The following BMPR1B variants were observed in gnomAD, a reference collection of about 807,000 sequenced individuals.
The protein encoded by BMPR1B is bone morphogenetic protein receptor type-1B.
Under a neutral mutation model 59.1 loss-of-function variants are expected in BMPR1B, and 12 were observed. The ratio of observed to expected loss-of-function variants is 0.20; its 90% CI spans 0.13 to 0.33. The LOEUF (loss-of-function observed/expected upper bound fraction) is 0.33, where lower values mean the gene tolerates loss of function less well. BMPR1B is among the 10% of genes least tolerant of loss of function. BMPR1B has a pLI of 1.00. For missense variants in BMPR1B, 550 were observed against 610.9 expected (o/e 0.90, Z 1.05); for synonymous variants, 237 against 207.3 (o/e 1.14, Z -1.23).
At chr4:95,012,355 G>A (rs1373490194) in intron 3 of BMPR1B, among the ~76,000 whole-genome samples, 1 of 152,142 alleles carries the variant, frequency 6.6e-6, no homozygotes, top group Admixed American at 6.6e-5. Flanking sequence ...GCAGGTTTCT[G>A]TCTAGATGTA....
At chr4:94,772,731 T>G (rs1411250236) in intron 1 of BMPR1B, among the ~76,000 whole-genome samples, 1 of 152,158 alleles carries the variant, frequency 6.6e-6, no homozygotes, top group Admixed American at 6.5e-5. Context: ...ACATAAATAA[T>G]CAGATGTTTG....
chr4:95,153,396 A>G (rs571699513), intron 12 of BMPR1B, among the ~76,000 whole-genome samples: 2 of 152,238 alleles, frequency 1.3e-5, no homozygotes, highest in East Asian at 3.9e-4. Flanking sequence ...CCACCCTCGC[A>G]GCCTTCAAAC....
chr4:95,145,346 C>T (rs1413923275), intron 10 of BMPR1B, among the ~76,000 whole-genome samples: 1 of 152,132 alleles, frequency 6.6e-6, no homozygotes, highest in Non-Finnish European at 1.5e-5. Flanking sequence ...CAGTATCTAT[C>T]TTTTCTTGTC....
intron 3 of BMPR1B, among the ~76,000 whole-genome samples, chr4:95,059,422 T>C (rs995694058): frequency 3.3e-5 from 5 of 152,132 alleles, no homozygotes; most frequent in Admixed American, 2.0e-4. Context: ...GAAAAGATGT[T>C]CAAATTGGGG....
At chr4:95,117,659 A>G (rs1732169398) in intron 6 of BMPR1B, among the ~76,000 whole-genome samples, 1 of 152,086 alleles carries the variant, frequency 6.6e-6, no homozygotes, top group African/African-American at 2.4e-5. Context: ...GGTGGTATAC[A>G]TCTGTAGTTG....
chr4:94,923,479 TC>T (rs1010344948), intron 2 of BMPR1B, among the ~76,000 whole-genome samples: 14 of 152,258 alleles, frequency 9.2e-5, no homozygotes, highest in African/African-American at 2.6e-4. Flanking sequence ...TAGAGACTAC[TC>T]AAGGTAATGA....
chr4:95,114,079 C>A (rs759195150), intron 4 of BMPR1B, among the ~76,000 whole-genome samples: 1 of 152,080 alleles, frequency 6.6e-6, no homozygotes, highest in Non-Finnish European at 1.5e-5. Context: ...AGCTTAATTT[C>A]TTTATATGAC....
intron 2 of BMPR1B, among the ~76,000 whole-genome samples, chr4:94,953,280 T>C (rs1383918077): frequency 1.3e-5 from 2 of 152,218 alleles, no homozygotes; most frequent in African/African-American, 4.8e-5. Context: ...AATATTGTTA[T>C]GTGTGATTTT....
chr4:94,844,032 T>C (rs1337342615), intron 1 of BMPR1B, among the ~76,000 whole-genome samples: 1 of 152,278 alleles, frequency 6.6e-6, no homozygotes, highest in East Asian at 1.9e-4. Flanking sequence ...TGCGGAGATG[T>C]TGGTTAAAGG....
chr4:94,943,456 A>G (rs1992650), intron 2 of BMPR1B, among the ~76,000 whole-genome samples: 37,602 of 152,074 alleles, frequency 0.25, 4,682 homozygotes, highest in South Asian at 0.36. Context: ...TTGATAATCT[A>G]CTCAGCATAT....
rs1418286267 is a variant in BMPR1B at position 95,155,731 on chromosome 4, A to G, written c.*1058A>G. On this transcript the variant is annotated 3_prime_UTR_variant, in exon 13 of 13. Transcript: ENST00000515059. ...AGGAGCCAATCTCAGAAGCACAAAGAAAAAAGTGTGCATACCTTATTTTGT... is the reference window on the plus strand; with the variant it reads ...AGGAGCCAATCTCAGAAGCACAAAGGAAAAAGTGTGCATACCTTATTTTGT... 6.6e-6 allele frequency: 1 copy of G among 152,052 alleles called. No homozygotes were observed. Among genetic ancestry groups the G allele is most frequent in the Non-Finnish European group, 1.5e-5 (1 of 68,010 alleles). 9.4% of individuals were successfully genotyped at this position (152,052 alleles called of 1,614,324 possible).
At chr4:94,967,064 G>A (rs1215735724) in intron 2 of BMPR1B, among the ~76,000 whole-genome samples, 1 of 152,152 alleles carries the variant, frequency 6.6e-6, no homozygotes, top group Non-Finnish European at 1.5e-5. Flanking sequence ...ATACTCATAT[G>A]TAGGAAGGAG....
At chr4:94,880,015 A>AT (rs1328606698) in intron 2 of BMPR1B, among the ~76,000 whole-genome samples, 2 of 152,280 alleles carry the variant, frequency 1.3e-5, no homozygotes, top group Non-Finnish European at 2.9e-5. Flanking sequence ...GTAACAAAAT[A>AT]TTTTTATGGA....
intron 3 of BMPR1B, among the ~76,000 whole-genome samples, chr4:95,093,205 CTTATA>C (rs1438699045): frequency 2.0e-5 from 3 of 151,770 alleles, no homozygotes; most frequent in African/African-American, 7.3e-5. Flanking sequence ...TAATTTTGTT[CTTATA>C]TTGTTGCTTT....
At chr4:94,786,306 G>A (rs1426477566) in intron 1 of BMPR1B, among the ~76,000 whole-genome samples, 2 of 151,954 alleles carry the variant, frequency 1.3e-5, no homozygotes, top group Non-Finnish European at 2.9e-5. Flanking sequence ...TTGAGAAAGG[G>A]GTCAAAATTC....
chr4:95,123,781 A>G, intron 6 of BMPR1B, 29 bp from the exon 7 acceptor site: 1 of 1,497,062 alleles, frequency 6.7e-7, no homozygotes, highest in Non-Finnish European at 9.3e-7. Context: ...TATTCTCTTG[A>G]TTATGGCTCT....
Position 94,770,180 on chromosome 4 carries a change from G to GTTTTTTTTTTTTTTTTTT in BMPR1B, c.-183+12113_-183+12114insTTTTTTTTTTTTTTTTTT, listed in dbSNP as rs1553903537. 2.3e-4 allele frequency among the ~76,000 whole-genome samples: 24 copies of GTTTTTTTTTTTTTTTTTT among 106,268 alleles called. 3 individuals carry two copies. Among genetic ancestry groups the GTTTTTTTTTTTTTTTTTT allele is most frequent in the African/African-American group, 9.1e-4 (22 of 24,200 alleles). 69.7% of individuals were successfully genotyped at this position (106,268 alleles called of 152,430 possible). ...TTTGTTTGAATTGTCCTTCGTTTCT[G>GTTTTTTTTTTTTTTTTTT]TGTTTGTTTTTTTTTTTTTTTTTTG... On this transcript the variant is annotated intron_variant, in intron 1 of 12. Transcript: ENST00000515059.
At chr4:95,005,538 C>T (rs1722761808) in intron 3 of BMPR1B, among the ~76,000 whole-genome samples, 1 of 152,082 alleles carries the variant, frequency 6.6e-6, no homozygotes, top group African/African-American at 2.4e-5. Flanking sequence ...TGTTATCACT[C>T]CCCTCTGTGT....
intron 2 of BMPR1B, among the ~76,000 whole-genome samples, chr4:94,986,901 C>A (rs964299988): frequency 2.0e-5 from 3 of 151,314 alleles, no homozygotes; most frequent in Non-Finnish European, 2.9e-5. Flanking sequence ...ACTAGCCGGG[C>A]GTGGTGGCGG....
Sources: allele counts gnomAD v4.1 joint callset (sites outside exome capture counted in the v4.1 genomes callset), GRCh38; gene constraint gnomAD v4.1.1; transcripts MANE v1.5; gene names NCBI Gene and HGNC (gene_info 2026-07-23, HGNC 2026-07-21).